Variants in UBE2E1 observed in about 807,000 individuals in gnomAD.
The protein encoded by UBE2E1 is ubiquitin conjugating enzyme E2 E1.
Under a neutral mutation model 21.4 loss-of-function variants are expected in UBE2E1, and 6 were observed. That is an observed-to-expected ratio of 0.28 (90% CI 0.15 to 0.55). The LOEUF is 0.55. UBE2E1 is among the 20% of genes least tolerant of loss of function. UBE2E1 has a pLI of 0.93. For synonymous variants in UBE2E1, 87 were observed against 82.7 expected, an observed-to-expected ratio of 1.05 and a Z score of -0.28; for missense variants, 142 against 236.5, an observed-to-expected ratio of 0.60 and a Z score of 2.62.
intron 3 of UBE2E1, among the ~76,000 whole-genome samples, chr3:23,812,047 T>G (rs1247970823): frequency 6.6e-6 from 1 of 152,208 alleles, no homozygotes; most frequent in African/African-American, 2.4e-5. Flanking sequence ...TAAACTTTCA[T>G]GGGGTGTTTT....
intron 3 of UBE2E1, among the ~76,000 whole-genome samples, chr3:23,877,772 C>T (rs1295042534): frequency 3.3e-5 from 5 of 152,108 alleles, no homozygotes; most frequent in South Asian, 2.1e-4. Flanking sequence ...ATAAGCAGTC[C>T]GTGCCACATC....
At chr3:23,844,422 G>C (rs1032679119) in intron 3 of UBE2E1, among the ~76,000 whole-genome samples, 2 of 152,030 alleles carry the variant, frequency 1.3e-5, no homozygotes, top group Non-Finnish European at 2.9e-5. Context: ...AATTCATTGC[G>C]TTGAACAGCC....
intron 3 of UBE2E1, among the ~76,000 whole-genome samples, chr3:23,860,337 T>G (rs1407004470): frequency 6.6e-6 from 1 of 152,204 alleles, no homozygotes; most frequent in Admixed American, 6.5e-5. Context: ...GCGCTCTGGT[T>G]TTACCTTTTT....
At chr3:23,873,584 A>G (rs1016235261) in intron 3 of UBE2E1, among the ~76,000 whole-genome samples, 1 of 152,184 alleles carries the variant, frequency 6.6e-6, no homozygotes, top group Admixed American at 6.5e-5. Context: ...CGTCTCTACT[A>G]AAAATACAAA....
In UBE2E1 at chr3:23,853,627, T is replaced by C. The variant is rs938104303; in HGVS notation, c.204-33940T>C. ...TCACAATTCAGTCTTTAAATGCATA[T>C]AGGAGAGTTGGAGGGGAGAGGAGAC... On this transcript the variant is annotated intron_variant, in intron 3 of 5. Coordinates refer to ENST00000306627, the MANE Select transcript of UBE2E1 (RefSeq NM_003341.5). The surrounding 1 kb of genome is among the most constrained non-coding windows in gnomAD (Gnocchi z 4.1). 7.2e-5 allele frequency among the ~76,000 whole-genome samples: 11 copies of C among 152,198 alleles called. No individual in the cohort carries two copies. The highest frequency in any genetic ancestry group is 5.9e-4 in the Admixed American group (9 of 15,272).
At chr3:23,886,148 C>T (rs926789815) in intron 3 of UBE2E1, among the ~76,000 whole-genome samples, 4 of 152,130 alleles carry the variant, frequency 2.6e-5, no homozygotes, top group African/African-American at 9.6e-5. Flanking sequence ...TACAGTGACC[C>T]GAGATCATGC....
At chr3:23,813,333 A>AT (rs1221195540) in intron 3 of UBE2E1, among the ~76,000 whole-genome samples, 2 of 152,180 alleles carry the variant, frequency 1.3e-5, no homozygotes, top group South Asian at 2.1e-4. Context: ...TTCTGAAGAT[A>AT]TTTTCCAGTG....
chr3:23,878,859 G>T, intron 3 of UBE2E1: 1 of 309,862 alleles, frequency 3.2e-6, no homozygotes, highest in Non-Finnish European at 6.3e-6. Context: ...AATACTAATA[G>T]AAATAGAGTG....
At chr3:23,857,257 T>C (rs902154523) in intron 3 of UBE2E1, among the ~76,000 whole-genome samples, 9 of 152,002 alleles carry the variant, frequency 5.9e-5, no homozygotes, top group African/African-American at 9.7e-5. Context: ...GTTTTTTTTT[T>C]CTTTCTGCAT....
At position 23,810,828 on chromosome 3, in the gene UBE2E1, C is replaced by T; in HGVS notation, c.153-632C>T. ...GCGGGGTGGGGGCGGCGTGGCCGGG[C>T]GGTGGCAGCCCACCGCTGGGGAGCG... On this transcript the variant is annotated intron_variant, in intron 2 of 5. Transcript: ENST00000306627. This position sits in a 1 kb window ranked among gnomAD's most constrained non-coding sequence, Gnocchi z 5.8. The T allele has an allele frequency of 5.5e-6, 1 of 181,500 alleles. No homozygotes were observed. Among genetic ancestry groups the T allele is most frequent in the Non-Finnish European group, 1.1e-5 (1 of 87,996 alleles). The allele number at this position is 181,500 out of a possible 1,614,324, so 11.2% of individuals were successfully genotyped here.
intron 3 of UBE2E1, among the ~76,000 whole-genome samples, chr3:23,826,470 C>T (rs1699762258): frequency 6.6e-6 from 1 of 152,230 alleles, no homozygotes; most frequent in South Asian, 2.1e-4. Context: ...TGGCTTCCTC[C>T]TCCTTCAGAG....
chr3:23,847,461 A>G (rs1161566362), intron 3 of UBE2E1, among the ~76,000 whole-genome samples: 17 of 150,112 alleles, frequency 1.1e-4, no homozygotes, highest in Admixed American at 8.0e-4. Context: ...AATATATTTC[A>G]TATCTGTGTG....
intron 3 of UBE2E1, among the ~76,000 whole-genome samples, chr3:23,852,515 T>G (rs1700347952): frequency 6.6e-6 from 1 of 152,246 alleles, no homozygotes. Flanking sequence ...TTTAGTGGAT[T>G]TGAGTTTTCT....
At chr3:23,809,564 T>A (rs1699342807) in intron 2 of UBE2E1, among the ~76,000 whole-genome samples, 1 of 152,250 alleles carries the variant, frequency 6.6e-6, no homozygotes, top group Admixed American at 6.5e-5. Context: ...GCAAATCTCT[T>A]GCCAGTTTTT....
intron 3 of UBE2E1, among the ~76,000 whole-genome samples, chr3:23,854,623 A>C (rs1340111127): frequency 6.6e-6 from 1 of 152,218 alleles, no homozygotes; most frequent in Admixed American, 6.5e-5. Context: ...ATAAGCTATT[A>C]GTCTTCTTGA....
At chr3:23,843,908 G>A (rs188141137) in intron 3 of UBE2E1, among the ~76,000 whole-genome samples, 24 of 152,194 alleles carry the variant, frequency 1.6e-4, no homozygotes, top group Middle Eastern at 3.4e-3. Context: ...TCTCTTTAAT[G>A]TATTTTTTTC....
intron 3 of UBE2E1, among the ~76,000 whole-genome samples, chr3:23,846,437 C>A (rs1029591602): frequency 6.6e-6 from 1 of 152,066 alleles, no homozygotes; most frequent in African/African-American, 2.4e-5. Flanking sequence ...TGGCTTGCAC[C>A]TGTAATCCCA....
chr3:23,869,142 G>T (rs927923287), intron 3 of UBE2E1, among the ~76,000 whole-genome samples: 1 of 152,112 alleles, frequency 6.6e-6, no homozygotes, highest in African/African-American at 2.4e-5. Context: ...TTGCCATTCT[G>T]ATAGGTAAAA....
At chr3:23,877,792 G>A (rs778882565) in intron 3 of UBE2E1, among the ~76,000 whole-genome samples, 1 of 152,202 alleles carries the variant, frequency 6.6e-6, no homozygotes, top group Non-Finnish European at 1.5e-5. Flanking sequence ...CTGGCTTTCT[G>A]AGGATGATGA....
Sources: gnomAD v4.1 joint callset for allele counts (sites outside exome capture counted in the v4.1 genomes callset) on GRCh38, gnomAD v4.1.1 for gene constraint, Gnocchi (gnomAD v3.1) non-coding constraint, MANE v1.5 for transcripts, NCBI Gene and HGNC (gene_info 2026-07-23, HGNC 2026-07-21) for gene names.